ZBBX: variants seen among roughly 807,000 people sequenced by gnomAD.
The protein encoded by ZBBX is zinc finger B-box domain containing.
ZBBX carries 101 observed loss-of-function variants against 108.5 expected under a neutral mutation model. The ratio of observed to expected loss-of-function variants is 0.93; its 90% CI spans 0.79 to 1.10. The LOEUF (loss-of-function observed/expected upper bound fraction) is 1.10. Ranked by LOEUF, ZBBX falls within the 50% of genes least tolerant of loss-of-function variation. The probability of loss-of-function intolerance (pLI) is 0.00; values close to 1 mark genes in which losing one functional copy is unlikely to be tolerated. For missense variants in ZBBX, 1,009 were observed against 941.4 expected, an observed-to-expected ratio of 1.07 and a Z score of -0.94; for synonymous variants, 356 against 323.4, an observed-to-expected ratio of 1.10 and a Z score of -1.08.
chr3:167,210,126 T>C, the ZBBX span, among the ~76,000 whole-genome samples: 1 of 149,726 alleles, frequency 6.7e-6, no homozygotes, highest in Non-Finnish European at 1.5e-5. Flanking sequence ...AATTAGCTGT[T>C]TTGAGAAAAC....
At chr3:167,242,056 T>C (rs1417955533) in intron 21 of ZBBX, among the ~76,000 whole-genome samples, 2 of 152,162 alleles carry the variant, frequency 1.3e-5, no homozygotes, top group Admixed American at 1.3e-4. Context: ...AATGATATCA[T>C]ACAAATTAAA....
the ZBBX span, among the ~76,000 whole-genome samples, chr3:167,193,933 A>T: frequency 6.6e-6 from 1 of 152,118 alleles, no homozygotes; most frequent in Non-Finnish European, 1.5e-5. Context: ...GGTTGGTCTC[A>T]TGGAAGTAGA....
chr3:167,398,235 T>C (rs920662190), intron 1 of ZBBX, among the ~76,000 whole-genome samples: 3 of 152,112 alleles, frequency 2.0e-5, no homozygotes, highest in Non-Finnish European at 2.9e-5. Flanking sequence ...TGTCAGAACG[T>C]CTTACCCATT....
intron 9 of ZBBX, among the ~76,000 whole-genome samples, chr3:167,344,753 T>C (rs911657160): frequency 1.4e-4 from 22 of 151,778 alleles, no homozygotes; most frequent in African/African-American, 5.3e-4. Flanking sequence ...GCTCCAGAGC[T>C]AGTTCCATAG....
intron 20 of ZBBX, among the ~76,000 whole-genome samples, chr3:167,254,977 A>G (rs1379421428): frequency 1.3e-5 from 2 of 151,850 alleles, no homozygotes; most frequent in Non-Finnish European, 2.9e-5. Flanking sequence ...CAGCATTCGG[A>G]GCCAGAAAAT....
intron 8 of ZBBX, among the ~76,000 whole-genome samples, chr3:167,350,768 G>T (rs1334272714): frequency 6.6e-6 from 1 of 151,848 alleles, no homozygotes; most frequent in East Asian, 1.9e-4. Context: ...AATAAATGTA[G>T]TTTTAATGTA....
intron 15 of ZBBX, among the ~76,000 whole-genome samples, chr3:167,314,500 C>A (rs1265930394): frequency 6.6e-6 from 1 of 151,938 alleles, no homozygotes; most frequent in East Asian, 1.9e-4. Context: ...TGTTCATCAA[C>A]AAGATATGAG....
At chr3:167,264,939 C>T (rs1326254945) in intron 20 of ZBBX, among the ~76,000 whole-genome samples, 2 of 152,220 alleles carry the variant, frequency 1.3e-5, no homozygotes, top group Non-Finnish European at 2.9e-5. Flanking sequence ...ATGATGAATG[C>T]TGTCAGGCCT....
the ZBBX span, among the ~76,000 whole-genome samples, chr3:167,187,869 T>C: frequency 5.9e-5 from 9 of 152,214 alleles, no homozygotes; most frequent in Admixed American, 2.0e-4. Flanking sequence ...GTTCATTTCC[T>C]GAACTGAATC....
chr3:167,246,534 T>C (rs1721599904), intron 20 of ZBBX, among the ~76,000 whole-genome samples: 1 of 152,210 alleles, frequency 6.6e-6, no homozygotes, highest in African/African-American at 2.4e-5. Context: ...CTTTCATCTC[T>C]TTTACTTGGG....
chr3:167,285,459 T>C (rs1175311396), intron 19 of ZBBX, among the ~76,000 whole-genome samples: 2 of 151,770 alleles, frequency 1.3e-5, no homozygotes, highest in Non-Finnish European at 3.0e-5. Flanking sequence ...AATTTATACA[T>C]AAAAAGAATT....
chr3:167,224,460 T>C, the ZBBX span, among the ~76,000 whole-genome samples: 1 of 151,922 alleles, frequency 6.6e-6, no homozygotes, highest in Admixed American at 6.6e-5. Context: ...AGAATGGATG[T>C]TAAGTGTTCT....
At chr3:167,277,727 C>T (rs927900034) in intron 20 of ZBBX, among the ~76,000 whole-genome samples, 8 of 152,126 alleles carry the variant, frequency 5.3e-5, no homozygotes, top group African/African-American at 1.2e-4. Flanking sequence ...AGGAATTGAA[C>T]TCAGCTCTGC....
At chr3:167,298,084 A>C (rs1318907283) in intron 18 of ZBBX, among the ~76,000 whole-genome samples, 1 of 152,060 alleles carries the variant, frequency 6.6e-6, no homozygotes, top group Admixed American at 6.6e-5. Flanking sequence ...AAGGTCTAAA[A>C]TAACCACACT....
intron 20 of ZBBX, among the ~76,000 whole-genome samples, chr3:167,268,685 A>G (rs1192196462): frequency 5.9e-5 from 9 of 152,170 alleles, no homozygotes; most frequent in Non-Finnish European, 1.2e-4. Flanking sequence ...CTTTGTCACT[A>G]AGAGTTGGCC....
chr3:167,368,426 T>C, intron 5 of ZBBX, 35 bp downstream of exon 5: 1 of 1,420,436 alleles, frequency 7.0e-7, no homozygotes, highest in Non-Finnish European at 9.9e-7. Flanking sequence ...ATAATTTAGT[T>C]GATTCATCTA....
At chr3:167,354,289 G>A (rs1743165036) in intron 8 of ZBBX, among the ~76,000 whole-genome samples, 1 of 151,740 alleles carries the variant, frequency 6.6e-6, no homozygotes, top group Admixed American at 6.6e-5. Flanking sequence ...AATACATACT[G>A]TTTTTACACA....
chr3:167,276,037 C>G (rs545160652), intron 20 of ZBBX, among the ~76,000 whole-genome samples: 6 of 150,684 alleles, frequency 4.0e-5, no homozygotes, highest in Admixed American at 2.0e-4. Context: ...CTCACACGGC[C>G]GGGTACTCCA....
the ZBBX span, among the ~76,000 whole-genome samples, chr3:167,193,148 G>A: frequency 6.6e-6 from 1 of 152,132 alleles, no homozygotes; most frequent in Non-Finnish European, 1.5e-5. Flanking sequence ...TAATTTACCT[G>A]TTGGTTGTCT....
Sources: gnomAD v4.1 joint callset for allele counts (sites outside exome capture counted in the v4.1 genomes callset) on GRCh38, gnomAD v4.1.1 for gene constraint, MANE v1.5 for transcripts, NCBI Gene and HGNC (gene_info 2026-07-23, HGNC 2026-07-21) for gene names.